The following SGCZ variants were observed in gnomAD, a reference collection of about 807,000 sequenced individuals.
The protein encoded by SGCZ is zeta-sarcoglycan.
In SGCZ, 40 loss-of-function variants were observed where a neutral mutation model predicts 41.3. That is an observed-to-expected ratio of 0.97 (90% confidence interval 0.75 to 1.26). The LOEUF is 1.26. Among genes scored for constraint, SGCZ ranks in the 50% most tolerant of loss-of-function variants. The pLI, the probability that SGCZ is intolerant of heterozygous loss-of-function variation, is 0.00. For synonymous variants in SGCZ, 206 were observed against 137.5 expected (o/e 1.50, Z -3.49); for missense variants, 552 against 369.8 (o/e 1.49, Z -4.04).
At chr8:14,409,918 T>C (rs938706827) in intron 2 of SGCZ, among the ~76,000 whole-genome samples, 1 of 152,124 alleles carries the variant, frequency 6.6e-6, no homozygotes, top group Non-Finnish European at 1.5e-5. Context: ...AAAATGTCTT[T>C]GAAAATTAGC....
intron 1 of SGCZ, among the ~76,000 whole-genome samples, chr8:14,599,572 C>G (rs1255739924): frequency 6.6e-6 from 1 of 152,190 alleles, no homozygotes; most frequent in East Asian, 1.9e-4. Flanking sequence ...TATCTAGCCC[C>G]TTCTTGTTCT....
intron 4 of SGCZ, among the ~76,000 whole-genome samples, chr8:14,230,170 C>T (rs942323234): frequency 2.0e-5 from 3 of 152,024 alleles, no homozygotes; most frequent in Non-Finnish European, 4.4e-5. Flanking sequence ...AACTGACTCC[C>T]TTCTCCAAAG....
chr8:14,444,763 GTAAC>G (rs1323183809), intron 2 of SGCZ, among the ~76,000 whole-genome samples: 1 of 151,944 alleles, frequency 6.6e-6, no homozygotes, highest in East Asian at 1.9e-4. Flanking sequence ...GTATACATAT[GTAAC>G]TAACCGGCAT....
chr8:14,650,778 T>A (rs1415245164), intron 1 of SGCZ, among the ~76,000 whole-genome samples: 4 of 152,052 alleles, frequency 2.6e-5, no homozygotes, highest in Admixed American at 2.0e-4. Context: ...GACCCCTACC[T>A]ACTCCGGCTC....
intron 2 of SGCZ, among the ~76,000 whole-genome samples, chr8:14,500,757 T>C (rs996982275): frequency 3.3e-5 from 5 of 152,112 alleles, no homozygotes; most frequent in Non-Finnish European, 5.9e-5. Context: ...TAGTAGTATA[T>C]GCCTTACTTG....
chr8:14,394,214 G>T (rs1050203198), intron 2 of SGCZ, among the ~76,000 whole-genome samples: 1 of 138,572 alleles, frequency 7.2e-6, no homozygotes, highest in Admixed American at 8.3e-5. Context: ...GCAGTGGCAT[G>T]ATCTCGGCTC....
chr8:15,224,947 A>G (rs1801721491), intron 1 of SGCZ, among the ~76,000 whole-genome samples: 1 of 152,204 alleles, frequency 6.6e-6, no homozygotes, highest in Non-Finnish European at 1.5e-5. Flanking sequence ...TCTCAAATAT[A>G]TAAGGCAAAC....
At chr8:14,329,387 T>C (rs1802236025) in intron 2 of SGCZ, among the ~76,000 whole-genome samples, 1 of 152,174 alleles carries the variant, frequency 6.6e-6, no homozygotes, top group African/African-American at 2.4e-5. Flanking sequence ...AGTTATTCCC[T>C]TTACTTGTGG....
chr8:14,571,001 C>T (rs948943322), intron 1 of SGCZ, among the ~76,000 whole-genome samples: 23 of 152,030 alleles, frequency 1.5e-4, no homozygotes, highest in Non-Finnish European at 2.9e-5. Flanking sequence ...TAGTCATTAC[C>T]TTGACAGGTG....
At chr8:14,277,042 T>C (rs59590361) in intron 3 of SGCZ, among the ~76,000 whole-genome samples, 32,897 of 152,114 alleles carry the variant, frequency 0.22, 3,757 homozygotes, top group East Asian at 0.3. Context: ...TCTTCATTCC[T>C]TCCTCACTTT....
chr8:15,162,523 G>T (rs1351876064), intron 1 of SGCZ, among the ~76,000 whole-genome samples: 1 of 152,154 alleles, frequency 6.6e-6, no homozygotes, highest in Non-Finnish European at 1.5e-5. Flanking sequence ...AAAGTGTTTT[G>T]ATACTCAGAT....
intron 5 of SGCZ, among the ~76,000 whole-genome samples, chr8:14,160,319 G>T (rs1004372293): frequency 6.6e-6 from 1 of 152,148 alleles, no homozygotes; most frequent in East Asian, 1.9e-4. Flanking sequence ...TGTGGAATAC[G>T]AATGAAACTG....
intron 1 of SGCZ, among the ~76,000 whole-genome samples, chr8:14,883,549 C>T (rs1804672570): frequency 1.3e-5 from 2 of 152,086 alleles, no homozygotes; most frequent in Admixed American, 1.3e-4. Context: ...GAACAGAATT[C>T]ACTTGTCCAA....
At chr8:15,195,602 A>C (rs1322002741) in intron 1 of SGCZ, among the ~76,000 whole-genome samples, 1 of 152,148 alleles carries the variant, frequency 6.6e-6, no homozygotes, top group African/African-American at 2.4e-5. Flanking sequence ...TCCGTGCCTG[A>C]TTGGAGCTCA....
At chr8:14,515,844 G>C (rs1802604309) in intron 2 of SGCZ, among the ~76,000 whole-genome samples, 1 of 152,020 alleles carries the variant, frequency 6.6e-6, no homozygotes, top group South Asian at 2.1e-4. Context: ...AATTAGATAA[G>C]TGCTTTGCTT....
Position 14,328,065 on chromosome 8 carries a change from G to C in SGCZ, c.235-3861C>G, listed in dbSNP as rs543294905. Reference sequence around the variant, plus strand: ...GTCTATTTCTCCCTTTCTTTTTCCTGTCTTGTATGAAAAAACGAATTTTCA... The same window carrying C: ...GTCTATTTCTCCCTTTCTTTTTCCTCTCTTGTATGAAAAAACGAATTTTCA... On this transcript the variant is annotated intron_variant, in intron 2 of 7. Coordinates refer to ENST00000382080, the MANE Select transcript of SGCZ (RefSeq NM_139167.4). 2.0e-4 allele frequency among the ~76,000 whole-genome samples: 31 copies of C among 152,080 alleles called. No homozygotes were observed. In the South Asian group the frequency reaches 6.2e-3, roughly 31 times the overall value.
At chr8:14,815,747 C>T (rs1357454600) in intron 1 of SGCZ, among the ~76,000 whole-genome samples, 1 of 152,122 alleles carries the variant, frequency 6.6e-6, no homozygotes, top group African/African-American at 2.4e-5. Context: ...TAAAATATTA[C>T]AAATGAGGGC....
In SGCZ at chr8:15,078,013, C is replaced by CT. The variant is rs1805602583; in HGVS notation, c.39+159571_39+159572insA. Among the ~76,000 whole-genome samples, 4 of 150,904 alleles carry CT rather than the reference C, an allele frequency of 2.7e-5. No individual in the cohort carries two copies. The South Asian group carries it at 8.4e-4, about 32-fold the overall frequency. On this transcript the variant is annotated intron_variant, in intron 1 of 7. Transcript: ENST00000382080. ...GGCATACCCACACTGGACTGGAGGC[C>CT]CCATGCACTGGGGGACTGGGATAGA...
At chr8:15,074,714 G>C (rs551376424) in intron 1 of SGCZ, among the ~76,000 whole-genome samples, 1 of 151,804 alleles carries the variant, frequency 6.6e-6, no homozygotes, top group Non-Finnish European at 1.5e-5. Context: ...TTCCACATCC[G>C]GCCTTTTCCC....
Sources: gnomAD v4.1 joint callset for allele counts (sites outside exome capture counted in the v4.1 genomes callset) on GRCh38, gnomAD v4.1.1 for gene constraint, MANE v1.5 for transcripts, NCBI Gene and HGNC (gene_info 2026-07-23, HGNC 2026-07-21) for gene names.